Variants in ANKRD45 observed in about 807,000 individuals in gnomAD.
The protein encoded by ANKRD45 is ankyrin repeat domain 45.
A neutral mutation model predicts 28.1 loss-of-function variants in ANKRD45; 21 were observed. That is an observed-to-expected ratio of 0.75 (90% CI 0.53 to 1.08). ANKRD45 has a LOEUF of 1.08. Ranked by LOEUF, ANKRD45 falls within the 50% of genes least tolerant of loss-of-function variation. The pLI is 0.00. For missense variants in ANKRD45, 261 were observed against 308.7 expected (o/e 0.85, Z 1.16); for synonymous variants, 86 against 103.9 (o/e 0.83, Z 1.05).
chr1:173,614,271 A>T (rs12089044), intron 5 of ANKRD45, among the ~76,000 whole-genome samples: 10,406 of 151,468 alleles, frequency 0.069, 854 homozygotes, highest in African/African-American at 0.2. Context: ...TCAATAAAAA[A>T]AAAAAAATAA....
intron 1 of ANKRD45, among the ~76,000 whole-genome samples, chr1:173,668,371 G>C (rs1322692590): frequency 6.6e-6 from 1 of 152,182 alleles, no homozygotes; most frequent in Non-Finnish European, 1.5e-5. Flanking sequence ...GAGTGAGCCA[G>C]GGAGCTCAAC....
the ANKRD45 span, among the ~76,000 whole-genome samples, chr1:173,678,125 C>G: frequency 6.6e-6 from 1 of 152,188 alleles, no homozygotes; most frequent in Non-Finnish European, 1.5e-5. Flanking sequence ...GATTCACAGT[C>G]AAATACTACC....
chr1:173,620,885 A>G (rs1667672254), intron 5 of ANKRD45, among the ~76,000 whole-genome samples: 1 of 152,138 alleles, frequency 6.6e-6, no homozygotes, highest in South Asian at 2.1e-4. Context: ...TTTTTTGGAA[A>G]AAAATTAATA....
chr1:173,660,277 C>T (rs578112949), intron 1 of ANKRD45, among the ~76,000 whole-genome samples: 4 of 152,058 alleles, frequency 2.6e-5, no homozygotes, highest in Admixed American at 2.6e-4. Flanking sequence ...GAGAAGAGTA[C>T]CAGAGTCCCT....
intron 5 of ANKRD45, 110 bp from the exon 6 acceptor site, chr1:173,610,325 G>A: frequency 9.9e-7 from 1 of 1,005,090 alleles, no homozygotes; most frequent in South Asian, 1.4e-5. Context: ...GTCCCAGGCT[G>A]AACCAGCTAC....
the ANKRD45 span, among the ~76,000 whole-genome samples, chr1:173,685,197 C>T: frequency 6.6e-6 from 1 of 152,180 alleles, no homozygotes; most frequent in Non-Finnish European, 1.5e-5. Flanking sequence ...CGGGGATGAA[C>T]AAGGGCTGAC....
At chr1:173,627,193 G>C (rs374780663) in intron 3 of ANKRD45, 34 bp from the exon 4 acceptor site, 21 of 1,428,166 alleles carry the variant, frequency 1.5e-5, no homozygotes, top group Non-Finnish European at 2.1e-5. Flanking sequence ...CACATGACAA[G>C]ACAAACACAA....
chr1:173,639,692 G>C (rs928347914), intron 3 of ANKRD45, among the ~76,000 whole-genome samples: 12 of 152,162 alleles, frequency 7.9e-5, no homozygotes, highest in Non-Finnish European at 1.5e-4. Flanking sequence ...CAGGACTAAG[G>C]CCATTCCAAA....
the ANKRD45 span, among the ~76,000 whole-genome samples, chr1:173,699,947 T>C: frequency 1.3e-5 from 2 of 152,196 alleles, no homozygotes; most frequent in African/African-American, 4.8e-5. Flanking sequence ...AAAATCTCCT[T>C]AAGCTGATAA....
the ANKRD45 span, among the ~76,000 whole-genome samples, chr1:173,678,378 C>T: frequency 6.6e-6 from 1 of 152,168 alleles, no homozygotes; most frequent in African/African-American, 2.4e-5. Context: ...ATCAAGTCAG[C>T]TTTATCCCTG....
At chr1:173,655,427 CTGCAGAACAGCAAATAT>C (rs969395784) in intron 2 of ANKRD45, among the ~76,000 whole-genome samples, 19 of 152,312 alleles carry the variant, frequency 1.2e-4, no homozygotes, top group Non-Finnish European at 1.9e-4. Flanking sequence ...CCAGCAGAGG[CTGCAGAACAGCAAATAT>C]TGCAGAACAG....
chr1:173,615,349 C>T (rs1044769534), intron 5 of ANKRD45, among the ~76,000 whole-genome samples: 3 of 145,088 alleles, frequency 2.1e-5, no homozygotes, highest in African/African-American at 7.8e-5. Flanking sequence ...TGCGCCACTG[C>T]ACTCCAGCCT....
At chr1:173,646,001 C>T (rs1668901835) in intron 3 of ANKRD45, among the ~76,000 whole-genome samples, 1 of 152,162 alleles carries the variant, frequency 6.6e-6, no homozygotes, top group Non-Finnish European at 1.5e-5. Flanking sequence ...GTAGGAACAA[C>T]CAATTGTATC....
the ANKRD45 span, among the ~76,000 whole-genome samples, chr1:173,676,576 C>T: frequency 6.6e-6 from 1 of 151,860 alleles, no homozygotes; most frequent in African/African-American, 2.4e-5. Flanking sequence ...AATCAGAAAC[C>T]TGCATTCAAG....
At chr1:173,683,648 C>T in the ANKRD45 span, among the ~76,000 whole-genome samples, 2 of 152,000 alleles carry the variant, frequency 1.3e-5, no homozygotes, top group African/African-American at 4.8e-5. Context: ...TTTGTGGTTA[C>T]CAAGATGTGA....
chr1:173,653,095 C>CTGAAGATT (rs1489271179), intron 2 of ANKRD45, among the ~76,000 whole-genome samples: 1 of 152,088 alleles, frequency 6.6e-6, no homozygotes, highest in Non-Finnish European at 1.5e-5. Flanking sequence ...GTCTCTATCT[C>CTGAAGATT]CTTCAGTTCT....
At chr1:173,685,516 CA>C in the ANKRD45 span, among the ~76,000 whole-genome samples, 6 of 152,346 alleles carry the variant, frequency 3.9e-5, no homozygotes, top group East Asian at 1.2e-3. Context: ...ACCATGCACA[CA>C]AGCATAACAA....
chr1:173,690,158 A>G, the ANKRD45 span, among the ~76,000 whole-genome samples: 1 of 148,918 alleles, frequency 6.7e-6, no homozygotes, highest in East Asian at 2.0e-4. Context: ...GAAATTCTAA[A>G]TATCTTTTTT....
upstream of ANKRD45, among the ~76,000 whole-genome samples, chr1:173,670,103 A>G (rs1329545042): frequency 3.3e-5 from 5 of 152,362 alleles, no homozygotes; most frequent in Admixed American, 3.3e-4. Flanking sequence ...TTTAAACGAA[A>G]GAATTTTCTG....
Sources: gnomAD v4.1 joint callset for allele counts (sites outside exome capture counted in the v4.1 genomes callset) on GRCh38, gnomAD v4.1.1 for gene constraint, MANE v1.5 for transcripts, NCBI Gene and HGNC (gene_info 2026-07-23, HGNC 2026-07-21) for gene names.